The following GNAI3 variants were observed in gnomAD, a reference collection of about 807,000 sequenced individuals.
GNAI3 encodes G protein subunit alpha i3.
In GNAI3, 12 loss-of-function variants were observed where a neutral mutation model predicts 41.8. That is an observed-to-expected ratio of 0.29 (90% confidence interval 0.18 to 0.47). GNAI3 has a LOEUF of 0.47. Among genes scored for constraint, GNAI3 ranks in the 20% least tolerant of loss-of-function variants. The pLI is 1.00. For synonymous variants in GNAI3, 132 were observed against 146.5 expected, an observed-to-expected ratio of 0.90 and a Z score of 0.71; for missense variants, 360 against 429.6, an observed-to-expected ratio of 0.84 and a Z score of 1.43.
At position 109,594,073 on chromosome 1, in the gene GNAI3, T is replaced by A. The variant is rs1649236415; in HGVS notation, c.*1751T>A. The A allele has an allele frequency of 6.5e-6, 1 of 152,676 alleles. No homozygotes were observed. The highest frequency in any genetic ancestry group is 2.4e-5 in the African/African-American group (1 of 41,470). 9.5% of individuals were successfully genotyped at this position (152,676 alleles called of 1,614,324 possible). A position where few individuals can be genotyped will look rare whatever the true frequency, so the allele number is the denominator to read the frequency against. ...AATCATAGCTTACAGATGGTATAAC[T>A]GTATTATATAATGGAATTTTCTTTA... On this transcript the variant is annotated 3_prime_UTR_variant, in exon 9 of 9. Coordinates refer to ENST00000369851, the MANE Select transcript of GNAI3 (RefSeq NM_006496.4).
chr1:109,583,758 T>G (rs1407071944), intron 5 of GNAI3, among the ~76,000 whole-genome samples: 1 of 151,432 alleles, frequency 6.6e-6, no homozygotes, highest in Non-Finnish European at 1.5e-5. Context: ...TTTTTTTTTT[T>G]TTTTTTGTAC....
intron 1 of GNAI3, among the ~76,000 whole-genome samples, chr1:109,551,340 A>C (rs188895804): frequency 4.9e-4 from 74 of 152,336 alleles, no homozygotes; most frequent in African/African-American, 1.7e-3. Flanking sequence ...AAAACAGTAT[A>C]CAGTTTTCTT....
rs537363422 is a variant in GNAI3, at chr1:109,599,936, G to C, written c.*7614G>C. On this transcript the variant is annotated 3_prime_UTR_variant, in exon 9 of 9. Coordinates refer to ENST00000369851, the MANE Select transcript of GNAI3 (RefSeq NM_006496.4). ...CTTTGGATTGAGAAGACCTGTTCTGGAGTTCTAGTTCTGCTACTGCCTAGC... is the reference window on the plus strand; with the variant it reads ...CTTTGGATTGAGAAGACCTGTTCTGCAGTTCTAGTTCTGCTACTGCCTAGC... 2.6e-5 allele frequency: 4 copies of C among 152,258 alleles called. No homozygotes were observed. The highest frequency in any genetic ancestry group is 4.8e-5 in the African/African-American group (2 of 41,548). 9.4% of individuals were successfully genotyped at this position (152,258 alleles called of 1,614,324 possible). A position where few individuals can be genotyped will look rare whatever the true frequency, so the allele number is the denominator to read the frequency against.
At chr1:109,577,426 G>A (rs1375725309) in intron 3 of GNAI3, among the ~76,000 whole-genome samples, 1 of 151,864 alleles carries the variant, frequency 6.6e-6, no homozygotes, top group African/African-American at 2.4e-5. Flanking sequence ...ACAGGCACAC[G>A]CCACCATGCC....
intron 3 of GNAI3, among the ~76,000 whole-genome samples, chr1:109,575,763 C>T (rs1365333386): frequency 1.3e-5 from 2 of 151,972 alleles, no homozygotes; most frequent in Non-Finnish European, 2.9e-5. Context: ...AACTCCTGAC[C>T]TTGTGATCCG....
At chr1:109,581,991 ATTAT>A in intron 4 of GNAI3, among the ~76,000 whole-genome samples, 1 of 151,928 alleles carries the variant, frequency 6.6e-6, no homozygotes, top group South Asian at 2.1e-4. Flanking sequence ...ATTTTTTCTT[ATTAT>A]TTCTTTCTTT....
In GNAI3 at chr1:109,584,513, C is replaced by A. The variant is rs149517432; in HGVS notation, c.591-1703C>A. Among the ~76,000 whole-genome samples, 3 of 152,148 alleles carry A rather than the reference C, an allele frequency of 2.0e-5. No homozygotes were observed. In the South Asian group the frequency reaches 6.2e-4, roughly 32 times the overall value. On this transcript the variant is annotated intron_variant, in intron 5 of 8. Coordinates refer to ENST00000369851, the MANE Select transcript of GNAI3 (RefSeq NM_006496.4). ...ATCCTAACTGTCCTGTCTTTTTATG[C>A]CATGATCAATAGCCAGATCTAATTA... is the stretch of plus-strand genomic sequence containing the variant.
intron 1 of GNAI3, among the ~76,000 whole-genome samples, chr1:109,571,297 A>G (rs1449876765): frequency 1.3e-5 from 2 of 152,216 alleles, no homozygotes; most frequent in African/African-American, 4.8e-5. Flanking sequence ...TGGTTTAGAT[A>G]TATGAATCTG....
intron 7 of GNAI3, among the ~76,000 whole-genome samples, chr1:109,587,752 G>T (rs1342346361): frequency 6.6e-6 from 1 of 152,166 alleles, no homozygotes; most frequent in Non-Finnish European, 1.5e-5. Flanking sequence ...TGGGGTGCAT[G>T]ATATAGAAGA....
chr1:109,549,379 C>G (rs868640498), intron 1 of GNAI3, among the ~76,000 whole-genome samples: 1 of 152,066 alleles, frequency 6.6e-6, no homozygotes, highest in Admixed American at 6.5e-5. Flanking sequence ...TTGGAAGAAC[C>G]CTGGATTATC....
intron 1 of GNAI3, among the ~76,000 whole-genome samples, chr1:109,557,542 C>T (rs1648189098): frequency 1.3e-5 from 2 of 152,166 alleles, no homozygotes; most frequent in African/African-American, 4.8e-5. Flanking sequence ...AGGTGTTAGA[C>T]ATTCAAGAAT....
intron 7 of GNAI3, among the ~76,000 whole-genome samples, chr1:109,591,303 C>T (rs1649163334): frequency 6.7e-6 from 1 of 149,994 alleles, no homozygotes. Flanking sequence ...TTGTTGAATT[C>T]CTTTTTTTTT....
chr1:109,579,379 G>A lies in GNAI3; in HGVS notation c.461+18G>A. 1.9e-6 allele frequency: 3 copies of A among 1,591,758 alleles called. No homozygotes were observed. The highest frequency in any genetic ancestry group is 2.6e-6 in the Non-Finnish European group (3 of 1,162,634). Reference sequence around the variant, plus strand: ...GCTTCATAGTAAGTAATTTTTCTCTGTGAAACTATAACAGAGAATAACTTG... The same window carrying A: ...GCTTCATAGTAAGTAATTTTTCTCTATGAAACTATAACAGAGAATAACTTG... On this transcript the variant is annotated intron_variant, in intron 4 of 8. Coordinates refer to ENST00000369851, the MANE Select transcript of GNAI3 (RefSeq NM_006496.4).
At chr1:109,587,672 G>T (rs1413215598) in intron 7 of GNAI3, among the ~76,000 whole-genome samples, 2 of 152,182 alleles carry the variant, frequency 1.3e-5, no homozygotes, top group African/African-American at 4.8e-5. Context: ...ATCAACTCAT[G>T]GAGGGCCTTA....
At position 109,592,158 on chromosome 1, in the gene GNAI3, G is replaced by C. The variant is rs1448517515; in HGVS notation, c.990G>C (p.Lys330Asn). 2.5e-6 allele frequency: 4 copies of C among 1,613,152 alleles called. No individual in the cohort carries two copies. In the South Asian group the frequency reaches 3.3e-5, roughly 13 times the overall value. Reference sequence around the variant, plus strand: ...ACTTCACCTGTGCCACAGACACGAAGAATGTGCAGTTTGTTTTTGATGCTG... The same window carrying C: ...ACTTCACCTGTGCCACAGACACGAACAATGTGCAGTTTGTTTTTGATGCTG... ...YTHFTCATDT[K>N]NVQFVFDAVT... The change falls in exon 8 of 9, where the codon AAG (lysine) becomes AAC (asparagine). Residue 330 changes from lysine to asparagine, a missense_variant. By Grantham distance (94) the Lys-to-Asn change is moderately conservative. Coordinates refer to ENST00000369851, the MANE Select transcript of GNAI3 (RefSeq NM_006496.4).
At position 109,590,095 on chromosome 1, in the gene GNAI3, G is replaced by A. The variant is rs77758010; in HGVS notation, c.875-1948G>A. On this transcript the variant is annotated intron_variant, in intron 7 of 8. Coordinates refer to ENST00000369851, the MANE Select transcript of GNAI3 (RefSeq NM_006496.4). ...ATGTAACATTTTGAGTGAGGTGGTA[G>A]GCCAAAAAGTTGAGATGTAGTTTAA... Among the ~76,000 whole-genome samples the A allele has an allele frequency of 5.5e-4, 84 of 152,278 alleles. No individual in the cohort carries two copies. In the East Asian group the frequency reaches 0.016, roughly 29 times the overall value.
intron 5 of GNAI3, among the ~76,000 whole-genome samples, chr1:109,584,281 A>G (rs150801803): frequency 3.2e-3 from 493 of 152,354 alleles, no homozygotes; most frequent in South Asian, 9.5e-3. Flanking sequence ...ATGCTTTTAG[A>G]ATAGACTTGC....
At chr1:109,548,888 C>G (rs751582902) in intron 1 of GNAI3, 50 bp downstream of exon 1, 1 of 1,215,044 alleles carries the variant, frequency 8.2e-7, no homozygotes, top group Non-Finnish European at 1.2e-6. Flanking sequence ...AGCCTAGGCG[C>G]TTGGAAGGCC....
intron 3 of GNAI3, among the ~76,000 whole-genome samples, chr1:109,577,521 C>T (rs567217381): frequency 1.9e-4 from 29 of 152,062 alleles, no homozygotes; most frequent in Non-Finnish European, 3.2e-4. Context: ...GTGATCCACC[C>T]GCCTCGGCCT....
Sources: gnomAD v4.1 joint callset for allele counts (sites outside exome capture counted in the v4.1 genomes callset) on GRCh38, gnomAD v4.1.1 for gene constraint, MANE v1.5 for transcripts, NCBI Gene and HGNC (gene_info 2026-07-23, HGNC 2026-07-21) for gene names.